Variants in FRS2 observed in about 807,000 individuals in gnomAD.
FRS2 encodes the protein fibroblast growth factor receptor substrate 2, also known as FGFR signalling adaptor.
In FRS2, 8 loss-of-function variants were observed where a neutral mutation model predicts 43.9. The ratio of observed to expected loss-of-function variants is 0.18; its 90% CI spans 0.11 to 0.33. FRS2 has a LOEUF of 0.33. Among genes scored for constraint, FRS2 ranks in the 10% least tolerant of loss-of-function variants. FRS2 has a pLI of 1.00. For missense variants in FRS2, 534 were observed against 627.6 expected, an observed-to-expected ratio of 0.85 and a Z score of 1.59; for synonymous variants, 219 against 220.3, an observed-to-expected ratio of 0.99 and a Z score of 0.05.
At chr12:69,492,592 G>A (rs1442702525) in intron 1 of FRS2, among the ~76,000 whole-genome samples, 1 of 152,198 alleles carries the variant, frequency 6.6e-6, no homozygotes, top group Admixed American at 6.5e-5. Context: ...ATATTTTTGG[G>A]GGGCAAGCGA....
At chr12:69,491,556 A>G (rs527339106) in intron 1 of FRS2, 2 of 126,154 alleles carry the variant, frequency 1.6e-5, no homozygotes, top group East Asian at 4.7e-4. Flanking sequence ...GCTGAAGTGC[A>G]GTGTCACAAT....
intron 1 of FRS2, among the ~76,000 whole-genome samples, chr12:69,476,335 T>A (rs1318572674): frequency 6.6e-6 from 1 of 152,202 alleles, no homozygotes; most frequent in African/African-American, 2.4e-5. Context: ...AAGACTGTGT[T>A]TCTCAACCAG....
chr12:69,546,582 G>T (rs1878430853), intron 3 of FRS2, among the ~76,000 whole-genome samples: 1 of 151,930 alleles, frequency 6.6e-6, no homozygotes. Flanking sequence ...GAGTAGAGAT[G>T]GGGTTTTACC....
intron 3 of FRS2, among the ~76,000 whole-genome samples, chr12:69,547,830 CTTTTTT>C (rs71094722): frequency 1.2e-4 from 12 of 102,724 alleles, no homozygotes; most frequent in East Asian, 3.4e-4. Context: ...TCCATTAATA[CTTTTTT>C]TTTTTTTTTT....
At chr12:69,491,505 A>ATTTTTTTT (rs35140712) in intron 1 of FRS2, 3 of 81,884 alleles carry the variant, frequency 3.7e-5, no homozygotes, top group Non-Finnish European at 6.7e-5. Flanking sequence ...CGTTTCTTCC[A>ATTTTTTTT]TTTTTTTTTT....
chr12:69,572,999 T>C (rs1797389400), intron 8 of FRS2, among the ~76,000 whole-genome samples: 1 of 152,104 alleles, frequency 6.6e-6, no homozygotes, highest in South Asian at 2.1e-4. Flanking sequence ...TCCAGCTAAT[T>C]GTTTCATATT....
intron 1 of FRS2, among the ~76,000 whole-genome samples, chr12:69,519,322 G>A (rs1358306315): frequency 6.6e-6 from 1 of 152,158 alleles, no homozygotes; most frequent in Non-Finnish European, 1.5e-5. Flanking sequence ...ATGAAAAACA[G>A]TAAAATCACA....
intron 1 of FRS2, among the ~76,000 whole-genome samples, chr12:69,515,529 G>A (rs986849201): frequency 2.6e-5 from 4 of 152,086 alleles, no homozygotes; most frequent in East Asian, 1.9e-4. Context: ...TAGAGTGACC[G>A]AGACTGAGGG....
At chr12:69,481,149 A>C (rs572485560) in intron 1 of FRS2, among the ~76,000 whole-genome samples, 22 of 152,134 alleles carry the variant, frequency 1.4e-4, no homozygotes, top group Non-Finnish European at 3.1e-4. Flanking sequence ...TTCTTTTTGC[A>C]TACACACATT....
At chr12:69,527,639 A>G (rs950246287) in intron 1 of FRS2, among the ~76,000 whole-genome samples, 5 of 152,210 alleles carry the variant, frequency 3.3e-5, no homozygotes, top group Non-Finnish European at 7.3e-5. Context: ...TCTCTGATTT[A>G]GACAAGTTAG....
chr12:69,551,390 A>G (rs939953454), intron 3 of FRS2, among the ~76,000 whole-genome samples: 1 of 152,148 alleles, frequency 6.6e-6, no homozygotes, highest in Non-Finnish European at 1.5e-5. Context: ...ACCAGTAATT[A>G]TATGTTATTG....
At chr12:69,532,194 C>G (rs190587487) in intron 3 of FRS2, 138 bp downstream of exon 3, 1 of 152,286 alleles carries the variant, frequency 6.6e-6, no homozygotes, top group East Asian at 1.9e-4. Flanking sequence ...TTATTAGCCA[C>G]TGTTTTACTA....
At chr12:69,537,425 A>G (rs1478748916) in intron 3 of FRS2, among the ~76,000 whole-genome samples, 1 of 151,926 alleles carries the variant, frequency 6.6e-6, no homozygotes, top group African/African-American at 2.4e-5. Context: ...TTGTTTAAAG[A>G]TGTCTTTATT....
At chr12:69,505,330 G>A (rs533864925) in intron 1 of FRS2, among the ~76,000 whole-genome samples, 85 of 152,292 alleles carry the variant, frequency 5.6e-4, no homozygotes, top group African/African-American at 2.0e-3. Flanking sequence ...TTTTACAGTG[G>A]TGGAATAGTA....
At chr12:69,501,190 T>C (rs1404803521) in intron 1 of FRS2, among the ~76,000 whole-genome samples, 2 of 151,842 alleles carry the variant, frequency 1.3e-5, no homozygotes, top group African/African-American at 4.8e-5. Flanking sequence ...AAAAAATCAT[T>C]GTATTGCTAC....
intron 1 of FRS2, among the ~76,000 whole-genome samples, chr12:69,497,626 C>G (rs1471198754): frequency 2.6e-5 from 4 of 152,208 alleles, no homozygotes; most frequent in Admixed American, 2.6e-4. Flanking sequence ...TGCCAACATT[C>G]AGACCGTAGC....
intron 3 of FRS2, among the ~76,000 whole-genome samples, chr12:69,541,469 TAAAG>T (rs1877896439): frequency 6.6e-6 from 1 of 152,082 alleles, no homozygotes; most frequent in Non-Finnish European, 1.5e-5. Context: ...TCTGTAAAAA[TAAAG>T]AATATAGCAT....
At chr12:69,497,012 A>G (rs978790653) in intron 1 of FRS2, among the ~76,000 whole-genome samples, 5 of 152,234 alleles carry the variant, frequency 3.3e-5, no homozygotes, top group Non-Finnish European at 7.3e-5. Flanking sequence ...ATGATATTAA[A>G]TAAAACTGAA....
At chr12:69,573,571 A>G (rs1880940009) in intron 8 of FRS2, among the ~76,000 whole-genome samples, 1 of 152,034 alleles carries the variant, frequency 6.6e-6, no homozygotes, top group African/African-American at 2.4e-5. Context: ...CAAATGATTC[A>G]TGTGCCTCAG....
Sources: allele counts gnomAD v4.1 joint callset (sites outside exome capture counted in the v4.1 genomes callset), GRCh38; gene constraint gnomAD v4.1.1; transcripts MANE v1.5; gene names NCBI Gene and HGNC (gene_info 2026-07-23, HGNC 2026-07-21).